Variants in PIAS1 observed in about 807,000 individuals in gnomAD.
PIAS1 encodes E3 SUMO-protein ligase PIAS1.
PIAS1 carries 6 observed loss-of-function variants against 71.3 expected under a neutral mutation model. The ratio of observed to expected loss-of-function variants is 0.08; its 90% CI spans 0.05 to 0.17. The LOEUF (loss-of-function observed/expected upper bound fraction) is 0.17. Ranked by LOEUF, PIAS1 falls within the 10% of genes least tolerant of loss-of-function variation. The pLI, the probability that PIAS1 is intolerant of heterozygous loss-of-function variation, is 1.00. For missense variants in PIAS1, 555 were observed against 793.6 expected, an observed-to-expected ratio of 0.70 and a Z score of 3.61; for synonymous variants, 303 against 292.9, an observed-to-expected ratio of 1.03 and a Z score of -0.35.
chr15:68,135,714 C>T lies in PIAS1; in HGVS notation c.470-6232C>T, dbSNP rs1450309789. Reference sequence around the variant, plus strand: ...GGACGGGGTGGCTGCCGGGCGGAGACGCTCCTCACTTCCCAGACAGGGTGG... The same window carrying T: ...GGACGGGGTGGCTGCCGGGCGGAGATGCTCCTCACTTCCCAGACAGGGTGG... On this transcript the variant is annotated intron_variant, in intron 2 of 13. Transcript: ENST00000249636. 4.1e-3 allele frequency among the ~76,000 whole-genome samples: 237 copies of T among 57,344 alleles called. 11 individuals carry two copies. The highest frequency in any genetic ancestry group is 9.6e-3 in the African/African-American group (228 of 23,800). 37.6% of individuals were successfully genotyped at this position (57,344 alleles called of 152,430 possible).
intron 1 of PIAS1, among the ~76,000 whole-genome samples, chr15:68,076,098 G>C (rs2092160725): frequency 6.6e-6 from 1 of 152,104 alleles, no homozygotes; most frequent in African/African-American, 2.4e-5. Context: ...AGGGCTTTTA[G>C]AACATTTGTG....
intron 1 of PIAS1, among the ~76,000 whole-genome samples, chr15:68,063,757 G>A (rs2091985834): frequency 6.6e-6 from 1 of 152,050 alleles, no homozygotes; most frequent in African/African-American, 2.4e-5. Context: ...GGGTTCTCCA[G>A]GTCAAAATGA....
At chr15:68,128,120 G>A (rs116682283) in intron 2 of PIAS1, among the ~76,000 whole-genome samples, 1,646 of 152,080 alleles carry the variant, frequency 0.011, 31 homozygotes, top group African/African-American at 0.036. Context: ...TCTAGAATGG[G>A]AATTTTCAAA....
intron 2 of PIAS1, among the ~76,000 whole-genome samples, chr15:68,126,897 C>T (rs538526350): frequency 2.6e-4 from 39 of 151,148 alleles, no homozygotes; most frequent in African/African-American, 3.6e-4. Context: ...GATACTTAGT[C>T]GTGCTGGCAT....
At chr15:68,154,508 A>G (rs1472876301) in intron 7 of PIAS1, among the ~76,000 whole-genome samples, 2 of 152,204 alleles carry the variant, frequency 1.3e-5, no homozygotes, top group Non-Finnish European at 2.9e-5. Flanking sequence ...AATGAAGCCC[A>G]TTATCAGATT....
At chr15:68,057,339 A>C (rs1297996401) in intron 1 of PIAS1, 2 of 287,774 alleles carry the variant, frequency 6.9e-6, no homozygotes, top group Non-Finnish European at 1.3e-5. Context: ...ACTTAGAAGC[A>C]GGAGGGTGTG....
chr15:68,172,706 G>A (rs1380930639), intron 8 of PIAS1, among the ~76,000 whole-genome samples: 1 of 152,244 alleles, frequency 6.6e-6, no homozygotes, highest in Non-Finnish European at 1.5e-5. Flanking sequence ...AGTGGTACAA[G>A]CTGGCTTCCA....
rs1272676152 is a variant in PIAS1, at chr15:68,173,726, T to C, written c.1009-6T>C. The stretch of plus-strand genomic sequence containing the variant: ...TCTAATATTTACTTTTTCTCCCTTT[T>C]TAAAGCTTGGTAAAATGCGGCTGAC... On this transcript the variant is annotated splice_region_variant and splice_polypyrimidine_tract_variant and intron_variant, in intron 8 of 13. Transcript: ENST00000249636. This position sits in a 1 kb window ranked among gnomAD's most constrained non-coding sequence, Gnocchi z 4.3. The C allele has an allele frequency of 2.0e-6, 3 of 1,516,898 alleles. No individual in the cohort carries two copies. The highest frequency in any genetic ancestry group is 2.7e-6 in the Non-Finnish European group (3 of 1,122,746). The allele number at this position is 1,516,898 out of a possible 1,614,324, so 94.0% of individuals were successfully genotyped here.
At chr15:68,129,898 G>T (rs779113216) in intron 2 of PIAS1, among the ~76,000 whole-genome samples, 5 of 151,472 alleles carry the variant, frequency 3.3e-5, no homozygotes, top group Non-Finnish European at 5.9e-5. Context: ...TTTTCATAAT[G>T]TTCAGGGGTT....
chr15:68,089,998 G>A (rs1381593815), intron 2 of PIAS1, among the ~76,000 whole-genome samples: 1 of 151,356 alleles, frequency 6.6e-6, no homozygotes, highest in Non-Finnish European at 1.5e-5. Flanking sequence ...TGCCACCTCA[G>A]CCTCCCCAGT....
intron 1 of PIAS1, among the ~76,000 whole-genome samples, chr15:68,056,129 T>A (rs774433721): frequency 4.6e-5 from 7 of 152,252 alleles, no homozygotes; most frequent in Non-Finnish European, 1.0e-4. Context: ...AATTTTTCTC[T>A]TAGAGTCACT....
intron 2 of PIAS1, among the ~76,000 whole-genome samples, chr15:68,110,629 G>A (rs1421683570): frequency 6.6e-6 from 1 of 152,112 alleles, no homozygotes; most frequent in Admixed American, 6.5e-5. Flanking sequence ...GGGCATGGTG[G>A]TGCGTGCCTG....
At position 68,167,775 on chromosome 15, in the gene PIAS1, G is replaced by A. The variant is rs1388941746; in HGVS notation, c.1008+2971G>A. 1.3e-5 allele frequency among the ~76,000 whole-genome samples: 2 copies of A among 151,798 alleles called. No individual in the cohort carries two copies. The highest frequency in any genetic ancestry group is 2.9e-5 in the Non-Finnish European group (2 of 67,922). The stretch of plus-strand genomic sequence containing the variant: ...GGCTGGAGTACAGTGGCCAGATCTT[G>A]GCTCACTGCAACCTCCACCTCCCAG... On this transcript the variant is annotated intron_variant, in intron 8 of 13. Transcript: ENST00000249636. The surrounding 1 kb of genome is among the most constrained non-coding windows in gnomAD (Gnocchi z 4.4).
At chr15:68,135,709 G>A (rs1392486934) in intron 2 of PIAS1, among the ~76,000 whole-genome samples, 5 of 59,706 alleles carry the variant, frequency 8.4e-5, no homozygotes, top group Non-Finnish European at 1.6e-4. Flanking sequence ...GCTGCCGGGC[G>A]GAGACGCTCC....
At position 68,182,118 on chromosome 15, in the gene PIAS1, A is replaced by AT. The variant is rs35772045; in HGVS notation, c.1624+774dup. ...CTAATGAATTTGATCCTTCTTAAAA[A>AT]TTTTTTTTTTAATTTTGTGGGTACA... On this transcript the variant is annotated intron_variant, in intron 12 of 13. Transcript: ENST00000249636. Among the ~76,000 whole-genome samples the AT allele has an allele frequency of 2.9e-3, 434 of 150,430 alleles. 1 individual carries two copies. Among genetic ancestry groups the AT allele is most frequent in the Non-Finnish European group, 4.6e-3 (311 of 67,494 alleles).
intron 2 of PIAS1, among the ~76,000 whole-genome samples, chr15:68,111,206 C>G (rs1446689777): frequency 2.0e-5 from 3 of 152,154 alleles, no homozygotes; most frequent in South Asian, 2.1e-4. Context: ...TGGGCTATCC[C>G]TGGGAAAATT....
intron 1 of PIAS1, among the ~76,000 whole-genome samples, chr15:68,073,989 A>T (rs1357791553): frequency 4.6e-5 from 7 of 152,224 alleles, no homozygotes; most frequent in African/African-American, 1.7e-4. Context: ...GTGAACAAGA[A>T]GATGGTGTAG....
chr15:68,193,840 T>C lies in PIAS1; in HGVS notation c.*6005T>C, dbSNP rs2093131115. The C allele has an allele frequency of 5.2e-6, 3 of 578,704 alleles. No individual in the cohort carries two copies. Among genetic ancestry groups the C allele is most frequent in the East Asian group, 5.6e-5 (2 of 36,022 alleles). 35.8% of individuals were successfully genotyped at this position (578,704 alleles called of 1,614,324 possible). ...TACAAATCTTTTATTAAAGATCTAC[T>C]CATACCATGGCTGAAATCATCTATT... is the stretch of plus-strand genomic sequence containing the variant. On this transcript the variant is annotated 3_prime_UTR_variant, in exon 14 of 14. Coordinates refer to ENST00000249636, the MANE Select transcript of PIAS1 (RefSeq NM_016166.3).
rs1347035695 is a variant in PIAS1, at chr15:68,171,438, C to T, written c.1009-2294C>T. ...TAACATGGCTGTCTTAATTTGAAGA[C>T]CTCTATCGTATATGCGGTTCAGTGT... On this transcript the variant is annotated intron_variant, in intron 8 of 13. Transcript: ENST00000249636. This position sits in a 1 kb window ranked among gnomAD's most constrained non-coding sequence, Gnocchi z 4.4. Among the ~76,000 whole-genome samples, 1 of 152,162 alleles carries T rather than the reference C, an allele frequency of 6.6e-6. No individual in the cohort carries two copies. Among genetic ancestry groups the T allele is most frequent in the African/African-American group, 2.4e-5 (1 of 41,444 alleles).
Sources: gnomAD v4.1 joint callset for allele counts (sites outside exome capture counted in the v4.1 genomes callset) on GRCh38, gnomAD v4.1.1 for gene constraint, Gnocchi (gnomAD v3.1) non-coding constraint, MANE v1.5 for transcripts, NCBI Gene and HGNC (gene_info 2026-07-23, HGNC 2026-07-21) for gene names.